CUBN: variants seen among roughly 807,000 people sequenced by gnomAD.
CUBN encodes the protein cubilin, also known as 460 kDa receptor.
CUBN carries 282 observed loss-of-function variants against 405.3 expected under a neutral mutation model. That is an observed-to-expected ratio of 0.70 (90% CI 0.63 to 0.77). The LOEUF is 0.77. Among genes scored for constraint, CUBN ranks in the 30% least tolerant of loss-of-function variants. CUBN has a pLI of 0.00. For missense variants in CUBN, 4,514 were observed against 4,475.2 expected, an observed-to-expected ratio of 1.01 and a Z score of -0.25; for synonymous variants, 1,684 against 1,617.0, an observed-to-expected ratio of 1.04 and a Z score of -0.99.
Position 16,835,182 on chromosome 10 carries a change from G to A in CUBN, c.10194C>T (p.Asp3398=), listed in dbSNP as rs542073853. The change falls in exon 64 of 67, where the codon GAC becomes GAT. Residue 3398 remains aspartate (D), a synonymous_variant. Coordinates refer to ENST00000377833, the MANE Select transcript of CUBN (RefSeq NM_001081.4). ...TCAGGTTGCCAAATGCCTTGTGATA[G>A]TCTCTGTTGCAATCTTAGAGGAAAA... ...FTYQIADCNR[D]YHKAFGNLRS... is the part of the protein sequence containing the mutation. 1 of 1,613,678 alleles carries A rather than the reference G, an allele frequency of 6.2e-7. No homozygotes were observed. Among genetic ancestry groups the A allele is most frequent in the African/African-American group, 1.3e-5 (1 of 75,026 alleles).
rs766054761 is a variant in CUBN at position 16,920,028 on chromosome 10, C to T, written c.6756G>A (p.Ala2252=). The T allele has an allele frequency of 7.1e-5, 114 of 1,613,750 alleles. No homozygotes were observed. Among genetic ancestry groups the T allele is most frequent in the African/African-American group, 9.4e-5 (7 of 74,848 alleles). ...PPHADCIWIL[A]APPETRIQLQ... The stretch of plus-strand genomic sequence containing the variant: ...GCTGTATGCGTGTTTCCGGTGGAGC[C>T]GCTAAGATCCAAATGCAATCAGCGT... Residue 2252 remains alanine, a synonymous_variant, in exon 44 of 67, where the codon GCG becomes GCA. Coordinates refer to ENST00000377833, the MANE Select transcript of CUBN (RefSeq NM_001081.4).
chr10:16,901,910 TATATATATAC>T (rs1418907757), intron 51 of CUBN, among the ~76,000 whole-genome samples: 6 of 83,866 alleles, frequency 7.2e-5, no homozygotes, highest in Non-Finnish European at 1.4e-4. Flanking sequence ...TATATATATA[TATATATATAC>T]ACACACACAC....
Position 16,869,667 on chromosome 10 carries a change from T to G in CUBN, c.9423A>C (p.Lys3141Asn), listed in dbSNP as rs1840292564. The G allele has an allele frequency of 6.2e-7, 1 of 1,613,712 alleles. No homozygotes were observed. The highest frequency in any genetic ancestry group is 8.5e-7 in the Non-Finnish European group (1 of 1,179,830). ...TCTGCCGGAAAGACATCTTCCAGCC[T>G]TTTGCTGTCTGAAATGAATCTGTCT... ...VFKTDSFQTA[K>N]GWKMSFRQTL... Residue 3141 changes from lysine (K) to asparagine (N), a missense_variant, in exon 59 of 67, where the codon AAA becomes AAC. By Grantham distance (94) the Lys-to-Asn change is moderately conservative. Around this residue, in one of 5 missense-constraint regions of CUBN, gnomAD observed 1,186 missense variants for 1,186.9 expected, o/e 1.00. Coordinates refer to ENST00000377833, the MANE Select transcript of CUBN (RefSeq NM_001081.4).
intron 28 of CUBN, among the ~76,000 whole-genome samples, chr10:17,019,290 T>A (rs936439937): frequency 6.6e-6 from 1 of 152,218 alleles, no homozygotes; most frequent in African/African-American, 2.4e-5. Flanking sequence ...GGGATCCAGA[T>A]GTGCCCCTTC....
chr10:17,023,638 G>A, intron 27 of CUBN: 1 of 455,932 alleles, frequency 2.2e-6, no homozygotes, highest in Non-Finnish European at 4.4e-6. Context: ...GTGACTCATT[G>A]CAACTACTGA....
At chr10:17,084,065 A>G (rs1836036037) in intron 17 of CUBN, among the ~76,000 whole-genome samples, 1 of 152,152 alleles carries the variant, frequency 6.6e-6, no homozygotes, top group Non-Finnish European at 1.5e-5. Flanking sequence ...ATTATTCTAG[A>G]TAATAAATCT....
chr10:16,953,463 T>C (rs971325373), intron 32 of CUBN, among the ~76,000 whole-genome samples: 1 of 152,106 alleles, frequency 6.6e-6, no homozygotes, highest in African/African-American at 2.4e-5. Flanking sequence ...AGACTAAATG[T>C]ATTTGTAGTG....
intron 31 of CUBN, among the ~76,000 whole-genome samples, chr10:16,973,545 A>G (rs987051624): frequency 6.6e-6 from 1 of 152,098 alleles, no homozygotes; most frequent in African/African-American, 2.4e-5. Context: ...TATAGAGGTA[A>G]ATTGCCTGTC....
Position 17,129,153 on chromosome 10 carries a change from T to C in CUBN, c.220A>G (p.Asn74Asp). ...AAACACTCACTGAGATCTTCATCAT[T>C]TAATTTAATTTTTCCCAGGGATCCG... ...RTGSLGKIKL[N>D]DEDLSECLHQ... The change falls in exon 2 of 67, where the codon AAT becomes GAT. Residue 74 changes from asparagine (N) to aspartate (D), a missense_variant. By Grantham distance (23) the Asn-to-Asp change is conservative. Around this residue, in one of 5 missense-constraint regions of CUBN, gnomAD observed 1,448 missense variants for 1,388.0 expected, o/e 1.04. Transcript: ENST00000377833. The C allele has an allele frequency of 6.2e-7, 1 of 1,613,280 alleles. No individual in the cohort carries two copies. The highest frequency in any genetic ancestry group is 1.7e-4 in the Middle Eastern group (1 of 6,060).
rs549674446 is a variant in CUBN, at chr10:17,118,540, G to A, written c.594-2943C>T. On this transcript the variant is annotated intron_variant, in intron 6 of 66. Transcript: ENST00000377833. ...CAACATCTGCCTCCCAGGTTCAAGC[G>A]ATCTTCCCACCTCTGCCTCTCAAGT... Among the ~76,000 whole-genome samples the A allele has an allele frequency of 2.6e-5, 4 of 152,276 alleles. No homozygotes were observed. In the South Asian group the frequency reaches 8.3e-4, roughly 32 times the overall value.
chr10:16,912,642 G>T (rs1841766892), intron 48 of CUBN, among the ~76,000 whole-genome samples: 1 of 152,150 alleles, frequency 6.6e-6, no homozygotes, highest in South Asian at 2.1e-4. Flanking sequence ...ATCTGGGGAG[G>T]GGCATTCCAG....
intron 28 of CUBN, among the ~76,000 whole-genome samples, chr10:17,009,404 C>T (rs1834116596): frequency 6.6e-6 from 1 of 152,152 alleles, no homozygotes; most frequent in Non-Finnish European, 1.5e-5. Context: ...ATGTTCCCAA[C>T]ATAAAACTCA....
chr10:17,030,078 T>G (rs1834756631), intron 27 of CUBN, among the ~76,000 whole-genome samples: 2 of 152,240 alleles, frequency 1.3e-5, no homozygotes, highest in African/African-American at 4.8e-5. Flanking sequence ...GTGCTCCTTA[T>G]GAGAATCGAA....
At chr10:17,075,753 C>T (rs1330276931) in intron 17 of CUBN, among the ~76,000 whole-genome samples, 1 of 152,200 alleles carries the variant, frequency 6.6e-6, no homozygotes, top group Non-Finnish European at 1.5e-5. Context: ...CTTACAACAT[C>T]TGTAACACAA....
rs1842813833 is a variant in CUBN at position 16,947,283 on chromosome 10, A to G, written c.5294T>C (p.Val1765Ala). ...PDIYPPNVEC[V>A]WNIVSSPGNR... ...GCCAGGGGAACTGACGATGTTCCAG[A>G]CACATTCCACATTAGGGGGATAAAT... Residue 1765 changes from valine (V) to alanine (A), a missense_variant, in exon 36 of 67, where the codon GTC becomes GCC. Val to Ala is a moderately conservative substitution (Grantham distance 64). This residue lies in a region of CUBN where 1,613 missense variants were observed against 1,542.8 expected (regional missense o/e 1.05). Transcript: ENST00000377833. 6.2e-7 allele frequency: 1 copy of G among 1,614,020 alleles called. No homozygotes were observed. The highest frequency in any genetic ancestry group is 1.3e-5 in the African/African-American group (1 of 74,924).
intron 17 of CUBN, among the ~76,000 whole-genome samples, chr10:17,072,365 G>T (rs892512677): frequency 6.6e-6 from 1 of 151,800 alleles, no homozygotes; most frequent in Non-Finnish European, 1.5e-5. Flanking sequence ...TTTTGCCATT[G>T]AAAGAAAAAA....
At position 17,085,778 on chromosome 10, in the gene CUBN, T is replaced by G; in HGVS notation, c.1948-19A>C. On this transcript the variant is annotated intron_variant, in intron 15 of 66. Transcript: ENST00000377833. Reference sequence around the variant, plus strand: ...CTCGAATCTAAAACAAAAGGATGAATCATTAAGCTCAAAGTGGTCAGATTT... The same window carrying G: ...CTCGAATCTAAAACAAAAGGATGAAGCATTAAGCTCAAAGTGGTCAGATTT... The G allele has an allele frequency of 6.2e-7, 1 of 1,612,082 alleles. No individual in the cohort carries two copies. Among genetic ancestry groups the G allele is most frequent in the Non-Finnish European group, 8.5e-7 (1 of 1,178,592 alleles).
intron 62 of CUBN, 150 bp downstream of exon 62, chr10:16,840,180 A>G: frequency 1.5e-6 from 1 of 683,732 alleles, no homozygotes; most frequent in Non-Finnish European, 2.6e-6. Context: ...ATATGTAACA[A>G]ACTTGCACAT....
chr10:16,847,203 A>G (rs1839541112), intron 60 of CUBN, among the ~76,000 whole-genome samples: 1 of 152,234 alleles, frequency 6.6e-6, no homozygotes, highest in African/African-American at 2.4e-5. Flanking sequence ...CTGTAATCCC[A>G]GCACTTTGGG....
Sources: allele counts gnomAD v4.1 joint callset (sites outside exome capture counted in the v4.1 genomes callset), GRCh38; gene constraint gnomAD v4.1.1; regional missense constraint gnomAD v4.1.1; transcripts MANE v1.5; gene names NCBI Gene and HGNC (gene_info 2026-07-23, HGNC 2026-07-21).